SNTG1: variants seen among roughly 807,000 people sequenced by gnomAD.
SNTG1 encodes syntrophin gamma 1.
In SNTG1, 39 loss-of-function variants were observed where a neutral mutation model predicts 74.7. The observed-to-expected ratio is 0.52, with a 90% CI of 0.40 to 0.68. The LOEUF (loss-of-function observed/expected upper bound fraction) is 0.68. Among genes scored for constraint, SNTG1 ranks in the 30% least tolerant of loss-of-function variants. The probability of loss-of-function intolerance (pLI) is 0.00; values close to 1 mark genes in which losing one functional copy is unlikely to be tolerated. For synonymous variants in SNTG1, 254 were observed against 217.1 expected, an observed-to-expected ratio of 1.17 and a Z score of -1.49; for missense variants, 685 against 609.5, an observed-to-expected ratio of 1.12 and a Z score of -1.30.
chr8:50,352,185 G>A (rs527638633), intron 2 of SNTG1, among the ~76,000 whole-genome samples: 16 of 152,212 alleles, frequency 1.1e-4, no homozygotes, highest in Admixed American at 2.0e-4. Flanking sequence ...TAGACCTACC[G>A]AAATTAACTG....
At chr8:49,944,486 C>A (rs1462680372) in intron 1 of SNTG1, among the ~76,000 whole-genome samples, 2 of 145,078 alleles carry the variant, frequency 1.4e-5, no homozygotes, top group East Asian at 2.0e-4. Flanking sequence ...GACAAAAAAA[C>A]CAAACACTGC....
chr8:50,141,751 A>G (rs2081665263), intron 1 of SNTG1, among the ~76,000 whole-genome samples: 1 of 152,166 alleles, frequency 6.6e-6, no homozygotes, highest in South Asian at 2.1e-4. Context: ...TAAATGTTCT[A>G]CTAGATAGAT....
intron 17 of SNTG1, among the ~76,000 whole-genome samples, chr8:50,739,701 C>T (rs754516291): frequency 6.6e-5 from 10 of 151,760 alleles, no homozygotes; most frequent in East Asian, 1.9e-4. Flanking sequence ...ATAAATACAA[C>T]GTGGCGGCAT....
At position 50,505,597 on chromosome 8, in the gene SNTG1, G is replaced by A. The variant is rs562002691; in HGVS notation, c.466+2717G>A. On this transcript the variant is annotated intron_variant, in intron 9 of 18. Transcript: ENST00000642720. Reference sequence around the variant, plus strand: ...CTGTGGTTTTGATTTGAATTTCCCTGATAATCAGTAATCTTAAGCGTCTTT... The same window carrying A: ...CTGTGGTTTTGATTTGAATTTCCCTAATAATCAGTAATCTTAAGCGTCTTT... 6.6e-5 allele frequency among the ~76,000 whole-genome samples: 10 copies of A among 152,136 alleles called. No individual in the cohort carries two copies. In the East Asian group the frequency reaches 1.7e-3, roughly 26 times the overall value.
intron 12 of SNTG1, among the ~76,000 whole-genome samples, chr8:50,561,075 G>A (rs2094485133): frequency 6.6e-6 from 1 of 152,148 alleles, no homozygotes. Context: ...TAATCCCCAT[G>A]TGTCAGAGGA....
intron 2 of SNTG1, among the ~76,000 whole-genome samples, chr8:50,361,713 A>G (rs1645299757): frequency 6.6e-6 from 1 of 151,956 alleles, no homozygotes; most frequent in South Asian, 2.1e-4. Flanking sequence ...TTCCTTTATA[A>G]TCTTACGGGA....
chr8:50,734,894 T>C (rs2095523538), intron 17 of SNTG1, among the ~76,000 whole-genome samples: 1 of 139,724 alleles, frequency 7.2e-6, no homozygotes, highest in South Asian at 2.2e-4. Context: ...TCTATATATA[T>C]GGACATATAT....
rs533511486 is a variant in SNTG1, at chr8:50,793,809, T to A, written c.*980T>A. 1.3e-5 allele frequency: 2 copies of A among 152,060 alleles called. No homozygotes were observed. The highest frequency in any genetic ancestry group is 6.6e-5 in the Admixed American group (1 of 15,220). The allele number at this position is 152,060 out of a possible 1,614,324, so 9.4% of individuals were successfully genotyped here. A position where few individuals can be genotyped will look rare whatever the true frequency, so the allele number is the denominator to read the frequency against. ...AAAACAGTCCCAAAGCTATTATAGATGTTAATTAAATGACATTTTTTCATT... is the reference window on the plus strand; with the variant it reads ...AAAACAGTCCCAAAGCTATTATAGAAGTTAATTAAATGACATTTTTTCATT... On this transcript the variant is annotated 3_prime_UTR_variant, in exon 19 of 19. Coordinates refer to ENST00000642720, the MANE Select transcript of SNTG1 (RefSeq NM_018967.5).
rs942293230 is a variant in SNTG1 at position 49,966,401 on chromosome 8, AT to A, written c.-103+54183del. On this transcript the variant is annotated intron_variant, in intron 1 of 18. Coordinates refer to ENST00000642720, the MANE Select transcript of SNTG1 (RefSeq NM_018967.5). ...AGTCTTTTTTTAAATTAATTAATTAATTTTTTTTTTTTTGACAGAGTCTCGG... is the reference window on the plus strand; with the variant it reads ...AGTCTTTTTTTAAATTAATTAATTAATTTTTTTTTTTTGACAGAGTCTCGG... 3.2e-3 allele frequency among the ~76,000 whole-genome samples: 459 copies of A among 145,508 alleles called. 3 individuals carry two copies. Among genetic ancestry groups the A allele is most frequent in the African/African-American group, 7.5e-3 (298 of 39,914 alleles).
At chr8:50,710,766 G>C (rs1271789748) in intron 17 of SNTG1, among the ~76,000 whole-genome samples, 1 of 152,160 alleles carries the variant, frequency 6.6e-6, no homozygotes, top group African/African-American at 2.4e-5. Context: ...CGAGTGCGTA[G>C]TCAGGAGTGT....
At chr8:50,663,278 T>C (rs1368408536) in intron 15 of SNTG1, among the ~76,000 whole-genome samples, 1 of 152,162 alleles carries the variant, frequency 6.6e-6, no homozygotes, top group East Asian at 1.9e-4. Context: ...GGAAAAGGCC[T>C]TAATAAAGCA....
At chr8:49,922,733 G>C (rs936994306) in intron 1 of SNTG1, among the ~76,000 whole-genome samples, 3 of 152,068 alleles carry the variant, frequency 2.0e-5, no homozygotes, top group Admixed American at 6.6e-5. Flanking sequence ...TGGTTTTAGA[G>C]TTGTATAAAA....
At chr8:50,576,239 CT>C (rs2094576195) in intron 12 of SNTG1, among the ~76,000 whole-genome samples, 1 of 152,124 alleles carries the variant, frequency 6.6e-6, no homozygotes, top group African/African-American at 2.4e-5. Flanking sequence ...ATACGACTGT[CT>C]TTTTTCCATT....
intron 12 of SNTG1, among the ~76,000 whole-genome samples, chr8:50,566,099 A>G (rs1381002929): frequency 6.6e-6 from 1 of 151,892 alleles, no homozygotes; most frequent in African/African-American, 2.4e-5. Context: ...ACATTTATGG[A>G]GTTAAATGTC....
At chr8:49,934,708 A>G (rs1376123727) in intron 1 of SNTG1, among the ~76,000 whole-genome samples, 1 of 152,232 alleles carries the variant, frequency 6.6e-6, no homozygotes, top group African/African-American at 2.4e-5. Context: ...TCAAAAATAC[A>G]GATGCAAATA....
intron 1 of SNTG1, among the ~76,000 whole-genome samples, chr8:50,095,531 A>G (rs751938149): frequency 6.6e-6 from 1 of 152,180 alleles, no homozygotes; most frequent in Non-Finnish European, 1.5e-5. Flanking sequence ...ATAGATTTTT[A>G]TACAAGCACA....
At chr8:50,288,099 T>C (rs898275182) in intron 2 of SNTG1, among the ~76,000 whole-genome samples, 5 of 152,172 alleles carry the variant, frequency 3.3e-5, no homozygotes, top group African/African-American at 9.6e-5. Context: ...TATTTGTATT[T>C]CTAGTATTGA....
At position 50,631,797 on chromosome 8, in the gene SNTG1, CT is replaced by C. The variant is rs1414929778; in HGVS notation, c.850-25111del. 2.0e-5 allele frequency among the ~76,000 whole-genome samples: 3 copies of C among 152,228 alleles called. No individual in the cohort carries two copies. The East Asian group carries it at 5.8e-4, about 29-fold the overall frequency. Reference sequence around the variant, plus strand: ...AGTGTGAATCTATGGTTTAAGAGACCTATTCATCCCATTTGCAGTTTAATGG... The same window carrying C: ...AGTGTGAATCTATGGTTTAAGAGACCATTCATCCCATTTGCAGTTTAATGG... On this transcript the variant is annotated intron_variant, in intron 13 of 18. Coordinates refer to ENST00000642720, the MANE Select transcript of SNTG1 (RefSeq NM_018967.5).
intron 8 of SNTG1, among the ~76,000 whole-genome samples, chr8:50,481,540 T>A (rs1188274654): frequency 6.6e-6 from 1 of 152,180 alleles, no homozygotes; most frequent in African/African-American, 2.4e-5. Flanking sequence ...GTTTAGTGAG[T>A]AGCAAATAAT....
Sources: gnomAD v4.1 joint callset for allele counts (sites outside exome capture counted in the v4.1 genomes callset) on GRCh38, gnomAD v4.1.1 for gene constraint, MANE v1.5 for transcripts, NCBI Gene and HGNC (gene_info 2026-07-23, HGNC 2026-07-21) for gene names.